LANCL2: variants seen among roughly 807,000 people sequenced by gnomAD.
LANCL2 encodes lanC-like protein 2.
In LANCL2, 33 loss-of-function variants were observed where a neutral mutation model predicts 56.9. That is an observed-to-expected ratio of 0.58 (90% CI 0.44 to 0.78). LANCL2 has a LOEUF of 0.78. Ranked by LOEUF, LANCL2 falls within the 30% of genes least tolerant of loss-of-function variation. LANCL2 has a pLI of 0.00. For synonymous variants in LANCL2, 233 were observed against 228.2 expected, an observed-to-expected ratio of 1.02 and a Z score of -0.19; for missense variants, 562 against 580.2, an observed-to-expected ratio of 0.97 and a Z score of 0.32.
intron 1 of LANCL2, among the ~76,000 whole-genome samples, chr7:55,381,437 C>T (rs759761048): frequency 6.6e-6 from 1 of 152,104 alleles, no homozygotes; most frequent in East Asian, 1.9e-4. Flanking sequence ...CTGAACAATG[C>T]GTGTCTGGAA....
At chr7:55,404,424 C>G (rs1387028653) in intron 5 of LANCL2, among the ~76,000 whole-genome samples, 1 of 152,156 alleles carries the variant, frequency 6.6e-6, no homozygotes, top group Non-Finnish European at 1.5e-5. Flanking sequence ...CTATATATTA[C>G]TTTTTAAAAT....
intron 6 of LANCL2, among the ~76,000 whole-genome samples, chr7:55,420,381 C>G (rs1479063112): frequency 6.6e-6 from 1 of 152,086 alleles, no homozygotes; most frequent in African/African-American, 2.4e-5. Flanking sequence ...ATATTTTCAT[C>G]GATTTCTGAT....
intron 1 of LANCL2, among the ~76,000 whole-genome samples, chr7:55,370,207 T>C (rs1789927635): frequency 6.6e-6 from 1 of 152,164 alleles, no homozygotes; most frequent in African/African-American, 2.4e-5. Flanking sequence ...CATGGGCTGC[T>C]CCTTAGGGCT....
At chr7:55,415,647 T>G (rs1363842667) in intron 6 of LANCL2, among the ~76,000 whole-genome samples, 1 of 150,384 alleles carries the variant, frequency 6.6e-6, no homozygotes, top group Non-Finnish European at 1.5e-5. Flanking sequence ...AGTGTCGCTC[T>G]GTCTCCCAGG....
At chr7:55,401,009 A>C (rs1790315586) in intron 4 of LANCL2, among the ~76,000 whole-genome samples, 165 bp from the exon 5 acceptor site, 1 of 152,184 alleles carries the variant, frequency 6.6e-6, no homozygotes. Flanking sequence ...TTATTAATTT[A>C]TAAAATAAAT....
At chr7:55,390,267 TAAGGG>T (rs1790171600) in intron 1 of LANCL2, among the ~76,000 whole-genome samples, 1 of 152,084 alleles carries the variant, frequency 6.6e-6, no homozygotes, top group Non-Finnish European at 1.5e-5. Context: ...TCCATAGTCA[TAAGGG>T]GAAACCTCCC....
chr7:55,375,684 G>A (rs7792144), intron 1 of LANCL2, among the ~76,000 whole-genome samples: 51,488 of 152,028 alleles, frequency 0.34, 9,142 homozygotes, highest in African/African-American at 0.4. Context: ...GTACAGTCTG[G>A]CTCTGCTGGC....
intron 1 of LANCL2, among the ~76,000 whole-genome samples, chr7:55,377,436 TTTC>T (rs1485798768): frequency 6.6e-6 from 1 of 152,180 alleles, no homozygotes; most frequent in Non-Finnish European, 1.5e-5. Context: ...TGTTTATCTT[TTTC>T]TTCTTCTTTC....
rs201174128 is a variant in LANCL2, at chr7:55,412,110, G to A, written c.1008+21G>A. ...ACAAGGTCAGTGCTTCCGCCGTCACGGCCGTCCCCTGTGTGGGGAGCCAGG... is the reference window on the plus strand; with the variant it reads ...ACAAGGTCAGTGCTTCCGCCGTCACAGCCGTCCCCTGTGTGGGGAGCCAGG... On this transcript the variant is annotated intron_variant, in intron 6 of 8. Transcript: ENST00000254770. The A allele has an allele frequency of 2.6e-5, 41 of 1,596,692 alleles. No homozygotes were observed. The East Asian group carries it at 3.4e-4, about 13-fold the overall frequency.
chr7:55,402,074 G>T (rs1398443315), intron 5 of LANCL2, among the ~76,000 whole-genome samples: 2 of 118,552 alleles, frequency 1.7e-5, no homozygotes, highest in Non-Finnish European at 3.7e-5. Context: ...CCCAGACGGG[G>T]TGGTGGCCGG....
chr7:55,377,661 G>A (rs749895319), intron 1 of LANCL2, among the ~76,000 whole-genome samples: 2 of 152,162 alleles, frequency 1.3e-5, no homozygotes, highest in Non-Finnish European at 2.9e-5. Flanking sequence ...TACAACCAGT[G>A]ATTAATATCT....
chr7:55,367,591 T>C (rs1253432120), intron 1 of LANCL2, among the ~76,000 whole-genome samples: 1 of 152,050 alleles, frequency 6.6e-6, no homozygotes, highest in African/African-American at 2.4e-5. Flanking sequence ...TAGCCGAGCG[T>C]GGTGGTGGAC....
chr7:55,380,799 T>C (rs1013882920), intron 1 of LANCL2, among the ~76,000 whole-genome samples: 4 of 150,984 alleles, frequency 2.6e-5, no homozygotes, highest in Non-Finnish European at 5.9e-5. Context: ...CGTGTTACAG[T>C]GTATGATTGG....
chr7:55,380,096 T>C (rs551674631), intron 1 of LANCL2, among the ~76,000 whole-genome samples: 2 of 152,370 alleles, frequency 1.3e-5, no homozygotes, highest in African/African-American at 4.8e-5. Context: ...AATGAAAAGA[T>C]ACAATTTTGA....
chr7:55,425,256 C>A lies in LANCL2; in HGVS notation c.1011C>A (p.Val337=). ...TGCTTTGTTTTTAATTTGCCCAGGT[C>A]TTTAAGGAGGAGAAGTACTTGAAAG... ...VIHMLMQAYK[V]FKEEKYLKEA... is the part of the protein sequence containing the mutation. The change falls in exon 7 of 9, where the codon GTC becomes GTA. Residue 337 remains valine (V), a splice_region_variant and synonymous_variant. Coordinates refer to ENST00000254770, the MANE Select transcript of LANCL2 (RefSeq NM_018697.4). 6.2e-7 allele frequency: 1 copy of A among 1,613,240 alleles called. No homozygotes were observed. The highest frequency in any genetic ancestry group is 8.5e-7 in the Non-Finnish European group (1 of 1,179,670).
chr7:55,379,109 C>G (rs575722078), intron 1 of LANCL2, among the ~76,000 whole-genome samples: 1 of 152,224 alleles, frequency 6.6e-6, no homozygotes, highest in Admixed American at 6.5e-5. Flanking sequence ...AAGATCACGC[C>G]ACTGCACTCC....
chr7:55,428,525 A>G, intron 8 of LANCL2, 78 bp downstream of exon 8: 3 of 1,129,214 alleles, frequency 2.7e-6, no homozygotes, highest in Non-Finnish European at 2.7e-6. Flanking sequence ...GGCACTGTTC[A>G]TATTTGACCT....
chr7:55,423,077 G>A (rs184292240), intron 6 of LANCL2, among the ~76,000 whole-genome samples: 56 of 152,362 alleles, frequency 3.7e-4, no homozygotes, highest in Admixed American at 1.6e-3. Context: ...ATGTGGATAA[G>A]TACATGGATT....
At chr7:55,422,667 C>T (rs1790621204) in intron 6 of LANCL2, among the ~76,000 whole-genome samples, 1 of 152,176 alleles carries the variant, frequency 6.6e-6, no homozygotes, top group Admixed American at 6.5e-5. Flanking sequence ...TGTATTCATT[C>T]ATGATTTCTT....
Sources: gnomAD v4.1 joint callset for allele counts (sites outside exome capture counted in the v4.1 genomes callset) on GRCh38, gnomAD v4.1.1 for gene constraint, MANE v1.5 for transcripts, NCBI Gene and HGNC (gene_info 2026-07-23, HGNC 2026-07-21) for gene names.